The following CDH13 variants were observed in gnomAD, a reference collection of about 807,000 sequenced individuals.
The protein encoded by CDH13 is cadherin 13.
A neutral mutation model predicts 63.8 loss-of-function variants in CDH13; 24 were observed. The observed-to-expected ratio is 0.38, with a 90% CI of 0.27 to 0.53. The LOEUF is 0.53. CDH13 is among the 20% of genes least tolerant of loss of function. The pLI is 0.85. For missense variants in CDH13, 1,049 were observed against 903.1 expected, an observed-to-expected ratio of 1.16 and a Z score of -2.07; for synonymous variants, 503 against 355.3, an observed-to-expected ratio of 1.42 and a Z score of -4.67.
intron 8 of CDH13, among the ~76,000 whole-genome samples, chr16:83,655,866 G>A (rs1053395171): frequency 6.6e-6 from 1 of 152,194 alleles, no homozygotes; most frequent in Non-Finnish European, 1.5e-5. Context: ...GAAAGTGGCA[G>A]GGGGGAAAAC....
At chr16:82,910,568 G>T (rs2151262773) in intron 2 of CDH13, among the ~76,000 whole-genome samples, 1 of 152,158 alleles carries the variant, frequency 6.6e-6, no homozygotes, top group Admixed American at 6.5e-5. Context: ...GTTAGTGATT[G>T]TTTCATTAAA....
At chr16:83,668,457 G>C (rs1052727298) in intron 8 of CDH13, among the ~76,000 whole-genome samples, 4 of 152,198 alleles carry the variant, frequency 2.6e-5, no homozygotes, top group Admixed American at 6.5e-5. Flanking sequence ...CTACCTGACT[G>C]GTGGTTCCCA....
chr16:83,682,117 C>A (rs1915457004), intron 10 of CDH13, among the ~76,000 whole-genome samples: 1 of 152,210 alleles, frequency 6.6e-6, no homozygotes, highest in Non-Finnish European at 1.5e-5. Flanking sequence ...ACAAGAGACA[C>A]ACACCAAAAG....
intron 7 of CDH13, 110 bp from the exon 8 acceptor site, chr16:83,602,344 C>A: frequency 9.8e-7 from 1 of 1,023,842 alleles, no homozygotes; most frequent in Non-Finnish European, 1.6e-6. Context: ...AAGATGCCTA[C>A]CCTAGATGGA....
At chr16:82,832,555 A>G (rs1353719187) in intron 1 of CDH13, among the ~76,000 whole-genome samples, 1 of 151,948 alleles carries the variant, frequency 6.6e-6, no homozygotes, top group African/African-American at 2.4e-5. Context: ...GGCTGTCACT[A>G]TCCACAGTTA....
chr16:83,162,730 C>G (rs754468841), intron 4 of CDH13, among the ~76,000 whole-genome samples: 1 of 152,092 alleles, frequency 6.6e-6, no homozygotes, highest in Non-Finnish European at 1.5e-5. Context: ...CACATACACA[C>G]AGATTGTGAT....
At chr16:83,786,789 T>C (rs985352840) in intron 13 of CDH13, among the ~76,000 whole-genome samples, 3 of 152,132 alleles carry the variant, frequency 2.0e-5, no homozygotes, top group Non-Finnish European at 4.4e-5. Flanking sequence ...GGTTTCACCA[T>C]GTTGTCCAGG....
At chr16:82,792,241 C>T (rs914337711) in intron 1 of CDH13, among the ~76,000 whole-genome samples, 1 of 152,158 alleles carries the variant, frequency 6.6e-6, no homozygotes, top group South Asian at 2.1e-4. Context: ...GCCGCGTGGG[C>T]TGAACTGTCT....
chr16:82,787,982 C>A (rs563835396), intron 1 of CDH13, among the ~76,000 whole-genome samples: 1 of 152,214 alleles, frequency 6.6e-6, no homozygotes, highest in African/African-American at 2.4e-5. Context: ...CTGTGTCCTC[C>A]CTTCTGTCCT....
At chr16:83,094,890 A>G (rs1047154082) in intron 3 of CDH13, among the ~76,000 whole-genome samples, 2 of 152,192 alleles carry the variant, frequency 1.3e-5, no homozygotes, top group Admixed American at 6.5e-5. Context: ...TGAGACCTCA[A>G]TCACAATTAA....
chr16:83,786,645 T>A (rs372535441), intron 13 of CDH13, among the ~76,000 whole-genome samples: 17 of 152,220 alleles, frequency 1.1e-4, no homozygotes, highest in African/African-American at 3.6e-4. Context: ...TGAAGTACAG[T>A]GGCGTCATCT....
chr16:82,928,473 G>A (rs1331550046), intron 2 of CDH13, among the ~76,000 whole-genome samples: 1 of 152,182 alleles, frequency 6.6e-6, no homozygotes, highest in Non-Finnish European at 1.5e-5. Flanking sequence ...AGGAGCATTT[G>A]AAAGTGTTCT....
chr16:82,780,156 G>T (rs1481826723), intron 1 of CDH13, among the ~76,000 whole-genome samples: 2 of 152,072 alleles, frequency 1.3e-5, no homozygotes, highest in Non-Finnish European at 2.9e-5. Flanking sequence ...TTGTAGGAAT[G>T]GGGGTGGGGA....
chr16:83,613,713 G>A (rs1484231289), intron 8 of CDH13, among the ~76,000 whole-genome samples: 2 of 152,044 alleles, frequency 1.3e-5, no homozygotes, highest in Non-Finnish European at 2.9e-5. Flanking sequence ...CCCACCTGTA[G>A]TCTCAGCTGC....
chr16:82,688,308 A>G (rs1485760972), intron 1 of CDH13, among the ~76,000 whole-genome samples: 1 of 152,150 alleles, frequency 6.6e-6, no homozygotes, highest in African/African-American at 2.4e-5. Context: ...AAGCCCCTAA[A>G]TACACAAAAG....
Position 83,296,491 on chromosome 16 carries a change from G to A in CDH13, c.637-48371G>A, listed in dbSNP as rs547010061. ...GTATTTGGAAAGGGGAGAGGCATAA[G>A]ACAGGAGACTAGGAAATGGTAGACC... is the stretch of plus-strand genomic sequence containing the variant. On this transcript the variant is annotated intron_variant, in intron 5 of 13. Transcript: ENST00000567109. 7.9e-5 allele frequency among the ~76,000 whole-genome samples: 12 copies of A among 152,308 alleles called. No individual in the cohort carries two copies. In the South Asian group the frequency reaches 2.5e-3, roughly 32 times the overall value.
chr16:83,272,458 T>C (rs1240822463), intron 5 of CDH13, among the ~76,000 whole-genome samples: 1 of 152,242 alleles, frequency 6.6e-6, no homozygotes, highest in Non-Finnish European at 1.5e-5. Context: ...TACTACTTAA[T>C]ACCACACGGG....
chr16:82,915,157 G>C (rs1004577323), intron 2 of CDH13, among the ~76,000 whole-genome samples: 4 of 152,224 alleles, frequency 2.6e-5, no homozygotes, highest in Non-Finnish European at 4.4e-5. Flanking sequence ...CTAATTTGGT[G>C]GTTATAGCGC....
intron 3 of CDH13, among the ~76,000 whole-genome samples, chr16:83,102,998 G>C (rs2034574695): frequency 9.1e-6 from 1 of 109,550 alleles, no homozygotes; most frequent in Non-Finnish European, 1.7e-5. Flanking sequence ...TGTCACCCAG[G>C]TTGGAGTGCA....
Sources: allele counts gnomAD v4.1 joint callset (sites outside exome capture counted in the v4.1 genomes callset), GRCh38; gene constraint gnomAD v4.1.1; transcripts MANE v1.5; gene names NCBI Gene and HGNC (gene_info 2026-07-23, HGNC 2026-07-21).